The following STK35 variants were observed in gnomAD, a reference collection of about 807,000 sequenced individuals.
STK35 encodes the protein serine/threonine-protein kinase 35.
Under a neutral mutation model 37.3 loss-of-function variants are expected in STK35, and 17 were observed. The ratio of observed to expected loss-of-function variants is 0.46; its 90% CI spans 0.31 to 0.68. The LOEUF is 0.68. STK35 is among the 30% of genes least tolerant of loss of function. STK35 has a pLI of 0.05. For missense variants in STK35, 595 were observed against 746.7 expected (o/e 0.80, Z 2.37); for synonymous variants, 385 against 319.1 (o/e 1.21, Z -2.20).
chr20:2,139,482 C>T (rs533520053), intron 3 of STK35, among the ~76,000 whole-genome samples: 2 of 152,292 alleles, frequency 1.3e-5, no homozygotes, highest in East Asian at 1.9e-4. Context: ...CTCTTCTTGT[C>T]TTCTCTAGGA....
rs963928782 is a variant in STK35, at chr20:2,146,157, CCTTG to C, written c.*2415_*2418del. 2 of 152,214 alleles carry C rather than the reference CCTTG, an allele frequency of 1.3e-5. No individual in the cohort carries two copies. The highest frequency in any genetic ancestry group is 2.4e-5 in the African/African-American group (1 of 41,438). 9.4% of individuals were successfully genotyped at this position (152,214 alleles called of 1,614,324 possible). A position where few individuals can be genotyped will look rare whatever the true frequency, so the allele number is the denominator to read the frequency against. ...CAGCGTTTTAGCCCCAAGTGCCTGC[CCTTG>C]CTTCTTACCCCTCCCCTGCTTTCTC... On this transcript the variant is annotated 3_prime_UTR_variant, in exon 4 of 4. Coordinates refer to ENST00000381482, the MANE Select transcript of STK35 (RefSeq NM_080836.4).
intron 3 of STK35, among the ~76,000 whole-genome samples, chr20:2,134,615 G>A (rs1014350234): frequency 2.0e-5 from 3 of 152,032 alleles, no homozygotes; most frequent in Non-Finnish European, 4.4e-5. Context: ...CTGGGGCCTG[G>A]CGCGGTGGCT....
chr20:2,137,631 C>T (rs1011158741), intron 3 of STK35, among the ~76,000 whole-genome samples: 3 of 152,192 alleles, frequency 2.0e-5, no homozygotes, highest in Admixed American at 1.3e-4. Context: ...CCCATTCCTT[C>T]GACCCTGACA....
At chr20:2,103,509 GC>G in intron 2 of STK35, 144 bp downstream of exon 2, 2 of 760,802 alleles carry the variant, frequency 2.6e-6, no homozygotes, top group South Asian at 1.9e-5. Context: ...CCTTTCCTGG[GC>G]CCAGGCATTC....
intron 2 of STK35, among the ~76,000 whole-genome samples, chr20:2,115,376 G>A (rs1461593207): frequency 1.3e-5 from 2 of 152,100 alleles, no homozygotes; most frequent in South Asian, 2.1e-4. Context: ...GTCTGAGGAA[G>A]TGCAGTCATT....
intron 3 of STK35, among the ~76,000 whole-genome samples, chr20:2,122,612 A>G (rs2122561815): frequency 6.6e-6 from 1 of 152,274 alleles, no homozygotes; most frequent in East Asian, 1.9e-4. Context: ...TCCACTTATC[A>G]GGGCCGCAGT....
intron 1 of STK35, among the ~76,000 whole-genome samples, 180 bp from the exon 2 acceptor site, chr20:2,102,588 G>C (rs993725348): frequency 2.0e-4 from 30 of 152,366 alleles, no homozygotes; most frequent in Non-Finnish European, 2.9e-4. Context: ...CCTCTGAGCT[G>C]CTGCCCAGTG....
At chr20:2,129,332 C>T (rs1288900423) in intron 3 of STK35, among the ~76,000 whole-genome samples, 1 of 152,058 alleles carries the variant, frequency 6.6e-6, no homozygotes, top group Non-Finnish European at 1.5e-5. Flanking sequence ...GAGGGATTGC[C>T]GTGGGGATTA....
chr20:2,130,132 G>A (rs1401073663), intron 3 of STK35, among the ~76,000 whole-genome samples: 2 of 152,196 alleles, frequency 1.3e-5, no homozygotes, highest in Non-Finnish European at 2.9e-5. Flanking sequence ...GTTGCAGCAG[G>A]AGACGGTTTA....
chr20:2,135,428 T>C (rs1180456924), intron 3 of STK35, among the ~76,000 whole-genome samples: 2 of 152,222 alleles, frequency 1.3e-5, no homozygotes, highest in Non-Finnish European at 2.9e-5. Flanking sequence ...ATGTGGCATA[T>C]GGGAGTCCTC....
chr20:2,141,117 A>T (rs1986165591), intron 3 of STK35, among the ~76,000 whole-genome samples: 2 of 152,198 alleles, frequency 1.3e-5, no homozygotes, highest in African/African-American at 4.8e-5. Context: ...GGCCTACCCT[A>T]AATACCCTCT....
In STK35 at chr20:2,102,149, G is replaced by A. The variant is rs1409146605; in HGVS notation, c.268G>A (p.Ala90Thr). ...QAGAPGGKRAARKWRCAGQVT... is the reference protein window; with the variant it reads ...QAGAPGGKRATRKWRCAGQVT... Reference sequence around the variant, plus strand: ...AGGGGCTCCAGGGGGGAAACGGGCCGCCCGGAAGTGGAGGTGCGCGGGCCA... The same window carrying A: ...AGGGGCTCCAGGGGGGAAACGGGCCACCCGGAAGTGGAGGTGCGCGGGCCA... Residue 90 changes from alanine (A) to threonine (T), a missense_variant, in exon 1 of 4, where the codon GCC (alanine) becomes ACC (threonine). Ala to Thr is a moderately conservative substitution (Grantham distance 58, BLOSUM62 0). Transcript: ENST00000381482. The A allele has an allele frequency of 2.9e-6, 4 of 1,386,846 alleles. No individual in the cohort carries two copies. The highest frequency in any genetic ancestry group is 3.7e-6 in the Non-Finnish European group (4 of 1,069,968). 85.9% of individuals were successfully genotyped at this position (1,386,846 alleles called of 1,614,324 possible).
At position 2,144,458 on chromosome 20, in the gene STK35, A is replaced by G. The variant is rs6047011; in HGVS notation, c.*712A>G. On this transcript the variant is annotated 3_prime_UTR_variant, in exon 4 of 4. Transcript: ENST00000381482. ...AGGCTTTGTTGTGTTTAAGCTATTG[A>G]GAGCCCCAGGCCACACCAGGACTTG... is the stretch of plus-strand genomic sequence containing the variant. 0.41 allele frequency: 63,836 copies of G among 155,306 alleles called. 15,659 individuals carry two copies. The highest frequency in any genetic ancestry group is 0.92 in the East Asian group (4,800 of 5,202). The allele number at this position is 155,306 out of a possible 1,614,324, so 9.6% of individuals were successfully genotyped here. A position where few individuals can be genotyped will look rare whatever the true frequency, so the allele number is the denominator to read the frequency against.
chr20:2,133,898 A>G (rs1986040146), intron 3 of STK35, among the ~76,000 whole-genome samples: 1 of 152,182 alleles, frequency 6.6e-6, no homozygotes, highest in Non-Finnish European at 1.5e-5. Context: ...TCTTTGCAGC[A>G]GCATGCTGTC....
At chr20:2,133,757 T>G (rs753192197) in intron 3 of STK35, among the ~76,000 whole-genome samples, 1 of 152,218 alleles carries the variant, frequency 6.6e-6, no homozygotes, top group Non-Finnish European at 1.5e-5. Context: ...ACTAGCACTT[T>G]TGGCAGTATA....
At chr20:2,126,519 ACTGTT>A (rs1985909595) in intron 3 of STK35, among the ~76,000 whole-genome samples, 1 of 152,264 alleles carries the variant, frequency 6.6e-6, no homozygotes, top group South Asian at 2.1e-4. Context: ...AAAGGGTACT[ACTGTT>A]CAGGTAGTGA....
At chr20:2,114,006 C>T (rs958078955) in intron 2 of STK35, among the ~76,000 whole-genome samples, 2 of 152,100 alleles carry the variant, frequency 1.3e-5, no homozygotes, top group Non-Finnish European at 2.9e-5. Context: ...GGTCTGAACC[C>T]AAACTCTTTG....
intron 3 of STK35, among the ~76,000 whole-genome samples, chr20:2,121,476 C>A (rs1167268058): frequency 6.6e-6 from 1 of 152,124 alleles, no homozygotes; most frequent in Admixed American, 6.6e-5. Context: ...ATGGGGAAGA[C>A]ATTGGGGGAA....
At chr20:2,114,970 A>G (rs538463207) in intron 2 of STK35, among the ~76,000 whole-genome samples, 1 of 152,274 alleles carries the variant, frequency 6.6e-6, no homozygotes, top group African/African-American at 2.4e-5. Context: ...TGGGCTTCAG[A>G]TTGATGCTTC....
Sources: allele counts gnomAD v4.1 joint callset (sites outside exome capture counted in the v4.1 genomes callset), GRCh38; gene constraint gnomAD v4.1.1; transcripts MANE v1.5; gene names NCBI Gene and HGNC (gene_info 2026-07-23, HGNC 2026-07-21).